AIFM2: variants seen among roughly 807,000 people sequenced by gnomAD.
AIFM2 encodes AIF family member 2, ferroptosis suppressor.
In AIFM2, 38 loss-of-function variants were observed where a neutral mutation model predicts 35.7. The ratio of observed to expected loss-of-function variants is 1.06; its 90% confidence interval spans 0.82 to 1.39. The LOEUF (loss-of-function observed/expected upper bound fraction) is 1.39. Among genes scored for constraint, AIFM2 ranks in the 40% most tolerant of loss-of-function variants. AIFM2 has a pLI of 0.00. For missense variants in AIFM2, 476 were observed against 491.2 expected, an observed-to-expected ratio of 0.97 and a Z score of 0.29; for synonymous variants, 185 against 203.5, an observed-to-expected ratio of 0.91 and a Z score of 0.77.
intron 2 of AIFM2, 138 bp downstream of exon 2, chr10:70,123,769 C>T: frequency 9.9e-7 from 1 of 1,011,476 alleles, no homozygotes; most frequent in Non-Finnish European, 1.4e-6. Flanking sequence ...AGACCTTGAG[C>T]TTCTCCAGAA....
chr10:70,120,384 C>T (rs764115500), intron 5 of AIFM2, 123 bp downstream of exon 5: 38 of 981,100 alleles, frequency 3.9e-5, no homozygotes, highest in South Asian at 1.4e-4. Flanking sequence ...CAGAAATACA[C>T]ACTCCCAGTT....
At chr10:70,129,164 A>G (rs948588305) in intron 1 of AIFM2, among the ~76,000 whole-genome samples, 7 of 140,576 alleles carry the variant, frequency 5.0e-5, no homozygotes, top group East Asian at 2.0e-4. Context: ...GGGTCTCACT[A>G]TGTTGCCTAG....
chr10:70,120,290 C>T (rs2072485005), intron 5 of AIFM2, among the ~76,000 whole-genome samples: 2 of 152,328 alleles, frequency 1.3e-5, no homozygotes, highest in South Asian at 2.1e-4. Context: ...AAGGACACAC[C>T]CTGAGCAGCT....
At chr10:70,129,296 C>T (rs2072602419) in intron 1 of AIFM2, among the ~76,000 whole-genome samples, 1 of 151,862 alleles carries the variant, frequency 6.6e-6, no homozygotes, top group East Asian at 1.9e-4. Flanking sequence ...AGATCATTTA[C>T]GTAAAGCATT....
chr10:70,125,931 C>G (rs2072561082), intron 1 of AIFM2, among the ~76,000 whole-genome samples: 1 of 152,168 alleles, frequency 6.6e-6, no homozygotes, highest in Non-Finnish European at 1.5e-5. Flanking sequence ...AGCCTTGGGC[C>G]CTACAGCAGC....
intron 1 of AIFM2, among the ~76,000 whole-genome samples, chr10:70,128,291 G>A (rs1033088619): frequency 2.0e-5 from 3 of 152,240 alleles, no homozygotes; most frequent in Admixed American, 6.5e-5. Context: ...GAGGCTACAG[G>A]ATAAAATATT....
At chr10:70,122,705 T>C (rs374523202) in intron 3 of AIFM2, among the ~76,000 whole-genome samples, 34 of 152,362 alleles carry the variant, frequency 2.2e-4, no homozygotes, top group South Asian at 2.1e-3. Context: ...GGACGCTGGC[T>C]TTTAGAGCAT....
At chr10:70,116,173 AG>A (rs1368975481) in intron 7 of AIFM2, among the ~76,000 whole-genome samples, 1 of 152,170 alleles carries the variant, frequency 6.6e-6, no homozygotes, top group Non-Finnish European at 1.5e-5. Context: ...GCAAATACTG[AG>A]CTTTAAGAAA....
In AIFM2 at chr10:70,121,282, T is replaced by C; in HGVS notation, c.295-71A>G. ...AGGGTAGGGCAGGGCAGGGCAGGCC[T>C]AGGCCTCTGCATCCTACTCCCGGCC... On this transcript the variant is annotated intron_variant, in intron 3 of 8. Transcript: ENST00000307864. The C allele has an allele frequency of 2.1e-6, 3 of 1,411,814 alleles. No homozygotes were observed. The South Asian group carries it at 4.6e-5, about 22-fold the overall frequency. 87.5% of individuals were successfully genotyped at this position (1,411,814 alleles called of 1,614,324 possible). A position where few individuals can be genotyped will look rare whatever the true frequency, so the allele number is the denominator to read the frequency against.
At position 70,117,262 on chromosome 10, in the gene AIFM2, G is replaced by C. The variant is rs1323367198; in HGVS notation, c.617-488C>G. 6.6e-6 allele frequency among the ~76,000 whole-genome samples: 1 copy of C among 152,186 alleles called. No individual in the cohort carries two copies. The highest frequency in any genetic ancestry group is 1.5e-5 in the Non-Finnish European group (1 of 68,034). On this transcript the variant is annotated intron_variant, in intron 6 of 8. Transcript: ENST00000307864. This position sits in a 1 kb window ranked among gnomAD's most constrained non-coding sequence, Gnocchi z 4.7. ...GAGGCAGCCATGCGGGCCCTTCACA[G>C]GACAGGTGCCTCACCCTCCCGCAAA... is the stretch of plus-strand genomic sequence containing the variant.
chr10:70,128,479 C>T (rs2072592863), intron 1 of AIFM2, among the ~76,000 whole-genome samples: 1 of 152,248 alleles, frequency 6.6e-6, no homozygotes, highest in Non-Finnish European at 1.5e-5. Flanking sequence ...CTGCCTCAGC[C>T]TCCCAGGTAG....
At chr10:70,123,789 CA>C in intron 2 of AIFM2, 117 bp downstream of exon 2, 1 of 1,126,198 alleles carries the variant, frequency 8.9e-7, no homozygotes, top group Non-Finnish European at 1.2e-6. Context: ...ACTTGTCTGA[CA>C]GTGGAATGCA....
chr10:70,114,318 A>G lies in AIFM2; in HGVS notation c.982T>C (p.Phe328Leu). The G allele has an allele frequency of 6.2e-7, 1 of 1,613,896 alleles. No homozygotes were observed. The highest frequency in any genetic ancestry group is 2.2e-5 in the East Asian group (1 of 44,858). ...LQAYKPGALT[F>L]LLSMGRNDGV... The stretch of plus-strand genomic sequence containing the variant: ...TCATTTCTCCCCATGGACAGGAGGA[A>G]CGTCAGTGCACCTGCAAGCAGAGAC... The change falls in exon 9 of 9, where the codon TTC becomes CTC. Residue 328 changes from phenylalanine to leucine, a missense_variant. Transcript: ENST00000307864.
In AIFM2 at chr10:70,114,135, G is replaced by A. The variant is rs373783265; in HGVS notation, c.*43C>T. Reference sequence around the variant, plus strand: ...GCGGGTGCCATGCGCCAAGCAGTCCGTACGCCCACCTGCTGCGGTAGTTCT... The same window carrying A: ...GCGGGTGCCATGCGCCAAGCAGTCCATACGCCCACCTGCTGCGGTAGTTCT... On this transcript the variant is annotated 3_prime_UTR_variant, in exon 9 of 9. Transcript: ENST00000307864. The A allele has an allele frequency of 1.1e-5, 18 of 1,588,828 alleles. No homozygotes were observed. The highest frequency in any genetic ancestry group is 2.7e-5 in the African/African-American group (2 of 73,852).
intron 1 of AIFM2, among the ~76,000 whole-genome samples, chr10:70,130,191 A>T (rs115831265): frequency 0.019 from 2,918 of 152,070 alleles, 57 homozygotes; most frequent in African/African-American, 0.054. Flanking sequence ...TCAAAAAAAA[A>T]TTTTTTTTAA....
chr10:70,128,697 T>TG (rs1231138041), intron 1 of AIFM2, among the ~76,000 whole-genome samples: 2 of 152,128 alleles, frequency 1.3e-5, no homozygotes, highest in African/African-American at 4.8e-5. Flanking sequence ...AGTCTGTCCA[T>TG]GAAAAAGTCA....
intron 4 of AIFM2, 137 bp from the exon 5 acceptor site, chr10:70,120,736 G>A (rs1452425092): frequency 1.2e-5 from 11 of 946,808 alleles, no homozygotes; most frequent in South Asian, 2.8e-5. Flanking sequence ...GAGTCCAAAC[G>A]TGCTTCCTCC....
intron 3 of AIFM2, among the ~76,000 whole-genome samples, chr10:70,122,483 T>C (rs2072519978): frequency 6.6e-6 from 1 of 152,236 alleles, no homozygotes; most frequent in South Asian, 2.1e-4. Context: ...GACATGACAC[T>C]CATCCAGAGC....
At position 70,112,353 on chromosome 10, in the gene AIFM2, T is replaced by TGTAA. The variant is rs1472984043; in HGVS notation, c.*1821_*1824dup. On this transcript the variant is annotated 3_prime_UTR_variant, in exon 9 of 9. Coordinates refer to ENST00000307864, the MANE Select transcript of AIFM2 (RefSeq NM_032797.6). ...CCACACGTAGGTCCTTCTAGAATAT[T>TGTAA]GTAAGTCAATAGAAGAAGGCCTGTC... is the stretch of plus-strand genomic sequence containing the variant. The TGTAA allele has an allele frequency of 4.6e-5, 7 of 152,334 alleles. No individual in the cohort carries two copies. In the East Asian group the frequency reaches 9.6e-4, roughly 21 times the overall value. The allele number at this position is 152,334 out of a possible 1,614,324, so 9.4% of individuals were successfully genotyped here. A position where few individuals can be genotyped will look rare whatever the true frequency, so the allele number is the denominator to read the frequency against.
Sources: allele counts gnomAD v4.1 joint callset (sites outside exome capture counted in the v4.1 genomes callset), GRCh38; gene constraint gnomAD v4.1.1; non-coding constraint Gnocchi (gnomAD v3.1); transcripts MANE v1.5; gene names NCBI Gene and HGNC (gene_info 2026-07-23, HGNC 2026-07-21).